The following CXXC4 variants were observed in gnomAD, a reference collection of about 807,000 sequenced individuals.
The protein encoded by CXXC4 is CXXC finger protein 4.
In CXXC4, 5 loss-of-function variants were observed where a neutral mutation model predicts 20.5. The observed-to-expected ratio is 0.24, with a 90% confidence interval of 0.13 to 0.51. The LOEUF is 0.51. CXXC4 is among the 20% of genes least tolerant of loss of function. The pLI, the probability that CXXC4 is intolerant of heterozygous loss-of-function variation, is 0.97. For missense variants in CXXC4, 419 were observed against 496.4 expected (o/e 0.84, Z 1.48); for synonymous variants, 250 against 216.4 (o/e 1.16, Z -1.36).
Position 104,470,922 on chromosome 4 carries a change from C to T in CXXC4, c.*1400G>A, listed in dbSNP as rs1174416457. 6.6e-6 allele frequency: 1 copy of T among 152,020 alleles called. No homozygotes were observed. The highest frequency in any genetic ancestry group is 1.5e-5 in the Non-Finnish European group (1 of 67,988). 9.4% of individuals were successfully genotyped at this position (152,020 alleles called of 1,614,324 possible). On this transcript the variant is annotated 3_prime_UTR_variant, in exon 3 of 3. Coordinates refer to ENST00000394767, the MANE Select transcript of CXXC4 (RefSeq NM_025212.4). ...CCAACTCCAACATGAAAAGGTAGCACAGGTTCTATGAAGCATTAGATCCTT... is the reference window on the plus strand; with the variant it reads ...CCAACTCCAACATGAAAAGGTAGCATAGGTTCTATGAAGCATTAGATCCTT...
In CXXC4 at chr4:104,490,594, C is replaced by T. The variant is rs989168753; in HGVS notation, c.1059+150G>A. ...TGGTGCGGGTGGTGGAGAGGCCAAG[C>T]CTTTCGCAAACCACCTACAACTCTT... On this transcript the variant is annotated intron_variant, in intron 2 of 2. Transcript: ENST00000394767. 5.4e-5 allele frequency: 39 copies of T among 724,176 alleles called. No homozygotes were observed. In the Admixed American group the frequency reaches 7.2e-4, roughly 13 times the overall value. 44.9% of individuals were successfully genotyped at this position (724,176 alleles called of 1,614,324 possible). A position where few individuals can be genotyped will look rare whatever the true frequency, so the allele number is the denominator to read the frequency against.
Position 104,472,150 on chromosome 4 carries a change from T to C in CXXC4, c.*172A>G. Reference sequence around the variant, plus strand: ...TCTCCAAGCTCTCACATTATTTTTATGTCTTTTTCTTTTCTTTTCCTCTTT... The same window carrying C: ...TCTCCAAGCTCTCACATTATTTTTACGTCTTTTTCTTTTCTTTTCCTCTTT... On this transcript the variant is annotated 3_prime_UTR_variant, in exon 3 of 3. Coordinates refer to ENST00000394767, the MANE Select transcript of CXXC4 (RefSeq NM_025212.4). The C allele has an allele frequency of 2.3e-6, 1 of 430,900 alleles. No individual in the cohort carries two copies. Among genetic ancestry groups the C allele is most frequent in the Non-Finnish European group, 4.2e-6 (1 of 237,548 alleles). 26.7% of individuals were successfully genotyped at this position (430,900 alleles called of 1,614,324 possible).
rs779417770 is a variant in CXXC4, at chr4:104,490,994, C to T, written c.809G>A (p.Ser270Asn). Residue 270 changes from serine to asparagine, a missense_variant, in exon 2 of 3, where the codon AGT (serine) becomes AAT (asparagine). By Grantham distance (46) the Ser-to-Asn change is conservative. Around this residue, in one of 3 missense-constraint regions of CXXC4, gnomAD observed 388 missense variants for 416.0 expected, o/e 0.93. Transcript: ENST00000394767. ...TGCCAGATTGGCAATTTGAAACGCACTGTCTGTGACGGCTGCTGAGGCTGC... is the reference window on the plus strand; with the variant it reads ...TGCCAGATTGGCAATTTGAAACGCATTGTCTGTGACGGCTGCTGAGGCTGC... ...PAAASAAVTD[S>N]AFQIANLADC... is the part of the protein sequence containing the mutation. The T allele has an allele frequency of 6.2e-7, 1 of 1,614,084 alleles. No homozygotes were observed. Among genetic ancestry groups the T allele is most frequent in the East Asian group, 2.2e-5 (1 of 44,816 alleles).
chr4:104,470,161 G>T lies in CXXC4; in HGVS notation c.*2161C>A, dbSNP rs954062844. ...ACAAAAAACAAAAAATAAAATAATG[G>T]AAAAGGAAAAAAAAAAAAAAACTCA... On this transcript the variant is annotated 3_prime_UTR_variant, in exon 3 of 3. Transcript: ENST00000394767. 5 of 102,858 alleles carry T rather than the reference G, an allele frequency of 4.9e-5. No individual in the cohort carries two copies. Among genetic ancestry groups the T allele is most frequent in the Non-Finnish European group, 8.3e-5 (4 of 48,326 alleles). The allele number at this position is 102,858 out of a possible 1,614,324, so 6.4% of individuals were successfully genotyped here. A position where few individuals can be genotyped will look rare whatever the true frequency, so the allele number is the denominator to read the frequency against.
intron 2 of CXXC4, among the ~76,000 whole-genome samples, chr4:104,485,102 A>G (rs1454366921): frequency 6.6e-6 from 1 of 152,128 alleles, no homozygotes; most frequent in Non-Finnish European, 1.5e-5. Flanking sequence ...TACTTTCTTG[A>G]AAAGAAGTTT....
chr4:104,468,456 GT>G lies in CXXC4; in HGVS notation c.*3865del, dbSNP rs1736178350. 7.2e-6 allele frequency: 1 copy of G among 138,098 alleles called. No homozygotes were observed. The highest frequency in any genetic ancestry group is 1.6e-5 in the Non-Finnish European group (1 of 63,980). 8.6% of individuals were successfully genotyped at this position (138,098 alleles called of 1,614,324 possible). A position where few individuals can be genotyped will look rare whatever the true frequency, so the allele number is the denominator to read the frequency against. ...AGTAATTTTCTTTAATAAATACACT[GT>G]TTTCCAAAACCGTTTTTTAAATAAT... On this transcript the variant is annotated 3_prime_UTR_variant, in exon 3 of 3. Transcript: ENST00000394767.
chr4:104,474,990 G>C (rs1736368236), intron 2 of CXXC4: 1 of 151,740 alleles, frequency 6.6e-6, no homozygotes, highest in Admixed American at 6.6e-5. Flanking sequence ...CATTGTTGTG[G>C]GAAAAAAAGA....
intron 2 of CXXC4, among the ~76,000 whole-genome samples, chr4:104,481,398 T>C (rs1736554706): frequency 6.6e-6 from 1 of 152,064 alleles, no homozygotes; most frequent in African/African-American, 2.4e-5. Flanking sequence ...CCAGGCATCA[T>C]GGCGTATGCC....
At chr4:104,477,293 CT>C (rs947084066) in intron 2 of CXXC4, among the ~76,000 whole-genome samples, 6 of 151,914 alleles carry the variant, frequency 3.9e-5, no homozygotes, top group South Asian at 4.2e-4. Context: ...AAAAAACTAC[CT>C]TTTTTTTCTG....
At position 104,491,371 on chromosome 4, in the gene CXXC4, G is replaced by T. The variant is rs1736860674; in HGVS notation, c.432C>A (p.Ser144=). ...GGATCGCCGAGGAGGAGGAGGCGGA[G>T]GAGGAGGCGGCGGCGGAGGAGGATT... ...GRKSSSAAAS[S]SASSSSAILP... Residue 144 remains serine (S), a synonymous_variant, in exon 2 of 3, where the codon TCC becomes TCA. Transcript: ENST00000394767. The T allele has an allele frequency of 7.1e-7, 1 of 1,404,722 alleles. No individual in the cohort carries two copies. Among genetic ancestry groups the T allele is most frequent in the Middle Eastern group, 2.8e-4 (1 of 3,636 alleles). The allele number at this position is 1,404,722 out of a possible 1,614,324, so 87.0% of individuals were successfully genotyped here.
At position 104,469,601 on chromosome 4, in the gene CXXC4, T is replaced by A. The variant is rs1736210701; in HGVS notation, c.*2721A>T. 6.6e-6 allele frequency: 1 copy of A among 152,014 alleles called. No individual in the cohort carries two copies. The highest frequency in any genetic ancestry group is 2.4e-5 in the African/African-American group (1 of 41,426). 9.4% of individuals were successfully genotyped at this position (152,014 alleles called of 1,614,324 possible). A position where few individuals can be genotyped will look rare whatever the true frequency, so the allele number is the denominator to read the frequency against. On this transcript the variant is annotated 3_prime_UTR_variant, in exon 3 of 3. Transcript: ENST00000394767. ...CTGCCTTAGGTTTATAATGATAAGC[T>A]TTAGAAGTTCTCAGTACAGGGACAT...
chr4:104,472,383 A>T lies in CXXC4; in HGVS notation c.1060-17T>A, dbSNP rs1736298917. 3.8e-6 allele frequency: 6 copies of T among 1,587,552 alleles called. No homozygotes were observed. Among genetic ancestry groups the T allele is most frequent in the Non-Finnish European group, 5.2e-6 (6 of 1,164,894 alleles). Reference sequence around the variant, plus strand: ...AGGTGTTCTCTATAAAAAAAGAGCAAGAAAACAAGTTAAGCTTTCTTTCTA... The same window carrying T: ...AGGTGTTCTCTATAAAAAAAGAGCATGAAAACAAGTTAAGCTTTCTTTCTA... On this transcript the variant is annotated splice_polypyrimidine_tract_variant and intron_variant, in intron 2 of 2. Coordinates refer to ENST00000394767, the MANE Select transcript of CXXC4 (RefSeq NM_025212.4).
chr4:104,491,783 A>G lies in CXXC4; in HGVS notation c.20T>C (p.Val7Ala). The G allele has an allele frequency of 2.0e-6, 3 of 1,494,034 alleles. No homozygotes were observed. Among genetic ancestry groups the G allele is most frequent in the Non-Finnish European group, 2.7e-6 (3 of 1,115,318 alleles). 92.5% of individuals were successfully genotyped at this position (1,494,034 alleles called of 1,614,324 possible). The change falls in exon 2 of 3, where the codon GTG becomes GCG. Residue 7 changes from valine (V) to alanine (A), a missense_variant. This residue lies in a region of CXXC4 where 388 missense variants were observed against 416.0 expected (regional missense o/e 0.93). Coordinates refer to ENST00000394767, the MANE Select transcript of CXXC4 (RefSeq NM_025212.4). MNTNVCVEPGPSPEAPG... is the reference protein window; with the variant it reads MNTNVCAEPGPSPEAPG... The stretch of plus-strand genomic sequence containing the variant: ...GGCCTCCGGGCTCGGCCCGGGCTCC[A>G]CGCAGACATTGGTGTTCATGGTGCA...
In CXXC4 at chr4:104,470,451, G is replaced by A. The variant is rs1286244078; in HGVS notation, c.*1871C>T. On this transcript the variant is annotated 3_prime_UTR_variant, in exon 3 of 3. Coordinates refer to ENST00000394767, the MANE Select transcript of CXXC4 (RefSeq NM_025212.4). ...TCACACTTGATTTTCAAATTGGCAT[G>A]TGTGCATGCTTTGTCCACCCTCCCC... 2.0e-5 allele frequency: 3 copies of A among 151,986 alleles called. No homozygotes were observed. Among genetic ancestry groups the A allele is most frequent in the Non-Finnish European group, 4.4e-5 (3 of 67,956 alleles). The allele number at this position is 151,986 out of a possible 1,614,324, so 9.4% of individuals were successfully genotyped here.
At chr4:104,482,606 T>C (rs182258777) in intron 2 of CXXC4, among the ~76,000 whole-genome samples, 7 of 152,254 alleles carry the variant, frequency 4.6e-5, no homozygotes, top group Admixed American at 3.3e-4. Context: ...TTCCCAAGCA[T>C]AGTTATTTTT....
intron 2 of CXXC4, among the ~76,000 whole-genome samples, chr4:104,478,803 T>C (rs931750345): frequency 6.6e-6 from 1 of 151,996 alleles, no homozygotes; most frequent in Non-Finnish European, 1.5e-5. Context: ...TAAGAGAGAA[T>C]GTGAAAGAAA....
chr4:104,474,377 A>G (rs896859080), intron 2 of CXXC4, among the ~76,000 whole-genome samples: 4 of 152,056 alleles, frequency 2.6e-5, no homozygotes, highest in Non-Finnish European at 4.4e-5. Context: ...CACATTGATT[A>G]CATTAATTTA....
At chr4:104,480,393 C>G (rs919790718) in intron 2 of CXXC4, among the ~76,000 whole-genome samples, 2 of 152,052 alleles carry the variant, frequency 1.3e-5, no homozygotes, top group African/African-American at 4.8e-5. Context: ...CTCATGATTA[C>G]TTAAAAAGTA....
chr4:104,491,083 C>A lies in CXXC4; in HGVS notation c.720G>T (p.Pro240=). Residue 240 remains proline, a synonymous_variant, in exon 2 of 3, where the codon CCG becomes CCT. Coordinates refer to ENST00000394767, the MANE Select transcript of CXXC4 (RefSeq NM_025212.4). ...GAGGTAATGAGATGCCCCCTAAAGCCGGGATAGCGGAAAAAGTCCCCACGC... is the reference window on the plus strand; with the variant it reads ...GAGGTAATGAGATGCCCCCTAAAGCAGGGATAGCGGAAAAAGTCCCCACGC... The part of the protein sequence containing the change: ...PERVGTFSAI[P]ALGGISLPPG... The A allele has an allele frequency of 6.2e-7, 1 of 1,614,092 alleles. No individual in the cohort carries two copies. Among genetic ancestry groups the A allele is most frequent in the Non-Finnish European group, 8.5e-7 (1 of 1,180,010 alleles).
Sources: allele counts gnomAD v4.1 joint callset (sites outside exome capture counted in the v4.1 genomes callset), GRCh38; gene constraint gnomAD v4.1.1; regional missense constraint gnomAD v4.1.1; transcripts MANE v1.5; gene names NCBI Gene and HGNC (gene_info 2026-07-23, HGNC 2026-07-21).